Variants in TMEM135 observed in about 807,000 individuals in gnomAD.
The protein encoded by TMEM135 is peroxisomal membrane protein 52.
A neutral mutation model predicts 60.3 loss-of-function variants in TMEM135; 30 were observed. The observed-to-expected ratio is 0.50, with a 90% CI of 0.37 to 0.68. TMEM135 has a LOEUF of 0.68. Among genes scored for constraint, TMEM135 ranks in the 30% least tolerant of loss-of-function variants. The pLI is 0.00. For missense variants in TMEM135, 468 were observed against 548.8 expected (o/e 0.85, Z 1.47); for synonymous variants, 190 against 186.7 (o/e 1.02, Z -0.14).
In TMEM135 at chr11:87,260,086, T is replaced by C. The variant is rs1182254150; in HGVS notation, c.509+23402T>C. Among the ~76,000 whole-genome samples the C allele has an allele frequency of 1.3e-5, 2 of 152,210 alleles. 1 individual carries two copies. Among genetic ancestry groups the C allele is most frequent in the South Asian group, 4.1e-4 (2 of 4,830 alleles). ...TTCTAAAGTGATTTGATCACTGAAA[T>C]GGATTATGCAATTTTTATGGTTTTG... On this transcript the variant is annotated intron_variant, in intron 6 of 14. Coordinates refer to ENST00000305494, the MANE Select transcript of TMEM135 (RefSeq NM_022918.4).
rs544815278 is a variant in TMEM135 at position 87,215,840 on chromosome 11, TTA to T, written c.463-20794_463-20793del. ...CTTTCAACTATAACTTCATTGTTAT[TTA>T]TATGTTTCCCTCTAGTATCTCCTGT... On this transcript the variant is annotated intron_variant, in intron 5 of 14. Coordinates refer to ENST00000305494, the MANE Select transcript of TMEM135 (RefSeq NM_022918.4). 1.2e-3 allele frequency among the ~76,000 whole-genome samples: 177 copies of T among 152,312 alleles called. 1 individual carries two copies. Among genetic ancestry groups the T allele is most frequent in the Admixed American group, 7.7e-3 (118 of 15,300 alleles).
In TMEM135 at chr11:87,324,304, G is replaced by A; in HGVS notation, c.*2971G>A. ...CCTGTGTCACAACCTCTCCCTTGGT[G>A]CTAATTAGGAAGCTTCTTGTGGGAC... On this transcript the variant is annotated 3_prime_UTR_variant, in exon 15 of 15. Transcript: ENST00000305494. 2.2e-6 allele frequency: 1 copy of A among 454,046 alleles called. No individual in the cohort carries two copies. Among genetic ancestry groups the A allele is most frequent in the South Asian group, 1.6e-5 (1 of 64,466 alleles). 28.1% of individuals were successfully genotyped at this position (454,046 alleles called of 1,614,324 possible).
At chr11:87,058,051 T>C (rs1464520005) in intron 1 of TMEM135, among the ~76,000 whole-genome samples, 1 of 152,182 alleles carries the variant, frequency 6.6e-6, no homozygotes. Flanking sequence ...AAAATACCAG[T>C]GTCCTAGCTC....
intron 5 of TMEM135, among the ~76,000 whole-genome samples, chr11:87,172,864 A>G (rs116802339): frequency 0.02 from 3,004 of 152,002 alleles, 87 homozygotes; most frequent in East Asian, 0.074. Context: ...CGTGAATTAA[A>G]TAATTAAATA....
chr11:87,208,953 C>G (rs653419), intron 5 of TMEM135, among the ~76,000 whole-genome samples: 1 of 152,022 alleles, frequency 6.6e-6, no homozygotes, highest in African/African-American at 2.4e-5. Flanking sequence ...AATTTCATAT[C>G]CCTCCAATCT....
At chr11:87,236,150 C>T (rs113313646) in intron 5 of TMEM135, among the ~76,000 whole-genome samples, 13 of 151,642 alleles carry the variant, frequency 8.6e-5, no homozygotes, top group African/African-American at 3.1e-4. Flanking sequence ...TTTTTGTGAA[C>T]CCTGTTACCC....
rs1283918438 is a variant in TMEM135 at position 87,322,675 on chromosome 11, T to C, written c.*1342T>C. 2.2e-6 allele frequency: 1 copy of C among 454,020 alleles called. No individual in the cohort carries two copies. The highest frequency in any genetic ancestry group is 2.3e-5 in the Admixed American group (1 of 42,566). 28.1% of individuals were successfully genotyped at this position (454,020 alleles called of 1,614,324 possible). ...AGAACTTGTGTTGCAAAAGGAATTA[T>C]AACCCATACTTTAAAAATGCTTAAT... On this transcript the variant is annotated 3_prime_UTR_variant, in exon 15 of 15. Coordinates refer to ENST00000305494, the MANE Select transcript of TMEM135 (RefSeq NM_022918.4).
intron 5 of TMEM135, among the ~76,000 whole-genome samples, chr11:87,222,181 CAAAAAAAAA>C (rs386374401): frequency 2.2e-4 from 12 of 55,480 alleles, no homozygotes; most frequent in South Asian, 1.2e-3. Context: ...GACTCTGTCT[CAAAAAAAAA>C]AAAAAAAAAA....
intron 4 of TMEM135, among the ~76,000 whole-genome samples, chr11:87,128,144 G>A (rs1399368114): frequency 6.6e-6 from 1 of 152,102 alleles, no homozygotes; most frequent in Admixed American, 6.5e-5. Context: ...AAAACACTTG[G>A]TTTCTAACCT....
rs534072292 is a variant in TMEM135, at chr11:87,267,745, T to A, written c.510-28037T>A. Among the ~76,000 whole-genome samples, 5 of 152,078 alleles carry A rather than the reference T, an allele frequency of 3.3e-5. No homozygotes were observed. The East Asian group carries it at 9.7e-4, about 29-fold the overall frequency. ...AGTCAGTCTGTTGCCCAGGCTGGAGTGCAGTGGCATGGTCTCCACTCACAG... is the reference window on the plus strand; with the variant it reads ...AGTCAGTCTGTTGCCCAGGCTGGAGAGCAGTGGCATGGTCTCCACTCACAG... On this transcript the variant is annotated intron_variant, in intron 6 of 14. Coordinates refer to ENST00000305494, the MANE Select transcript of TMEM135 (RefSeq NM_022918.4).
chr11:87,042,329 C>A (rs1483327445), intron 1 of TMEM135, among the ~76,000 whole-genome samples: 1 of 152,134 alleles, frequency 6.6e-6, no homozygotes, highest in African/African-American at 2.4e-5. Context: ...GCAGGACCCT[C>A]TCTGGAATGG....
intron 1 of TMEM135, among the ~76,000 whole-genome samples, chr11:87,066,598 CAAAAA>C (rs34204350): frequency 1.1e-3 from 135 of 121,278 alleles, no homozygotes; most frequent in Admixed American, 1.5e-3. Flanking sequence ...CAGAGTTCAC[CAAAAA>C]AAAAAAAAAA....
In TMEM135 at chr11:87,174,766, A is replaced by G. The variant is rs534077711; in HGVS notation, c.462+17360A>G. ...TCCTCCAATCATATCCCTTTGTTCA[A>G]TGCCCTTTTGTTATAACATTGATGA... is the stretch of plus-strand genomic sequence containing the variant. On this transcript the variant is annotated intron_variant, in intron 5 of 14. Coordinates refer to ENST00000305494, the MANE Select transcript of TMEM135 (RefSeq NM_022918.4). 2.0e-4 allele frequency among the ~76,000 whole-genome samples: 30 copies of G among 152,242 alleles called. No individual in the cohort carries two copies. In the South Asian group the frequency reaches 5.6e-3, roughly 28 times the overall value.
chr11:87,193,315 A>G (rs534910310), intron 5 of TMEM135, among the ~76,000 whole-genome samples: 3 of 152,304 alleles, frequency 2.0e-5, no homozygotes, highest in East Asian at 1.9e-4. Flanking sequence ...CTTGAAAATT[A>G]TAAGACAAAT....
chr11:87,207,740 A>G (rs775009571), intron 5 of TMEM135, among the ~76,000 whole-genome samples: 4 of 152,072 alleles, frequency 2.6e-5, no homozygotes, highest in Non-Finnish European at 5.9e-5. Context: ...AGAAGTTTAT[A>G]CTCCCCTACT....
At chr11:87,312,127 A>G (rs1333646892) in intron 10 of TMEM135, among the ~76,000 whole-genome samples, 7 of 148,908 alleles carry the variant, frequency 4.7e-5, no homozygotes, top group Non-Finnish European at 7.4e-5. Context: ...GTTTAAACCT[A>G]CTTTCATGTT....
At chr11:87,259,388 A>T in intron 6 of TMEM135, 1 of 298,028 alleles carries the variant, frequency 3.4e-6, no homozygotes, top group Non-Finnish European at 6.7e-6. Flanking sequence ...GTGTGTGTGT[A>T]TATGTGTATG....
intron 1 of TMEM135, among the ~76,000 whole-genome samples, chr11:87,045,960 T>C (rs898211778): frequency 4.6e-5 from 7 of 152,216 alleles, no homozygotes; most frequent in African/African-American, 1.7e-4. Flanking sequence ...TGGTGAAGAA[T>C]AAAATGAATG....
chr11:87,322,099 A>C lies in TMEM135; in HGVS notation c.*766A>C, dbSNP rs1006946581. 1 of 454,222 alleles carries C rather than the reference A, an allele frequency of 2.2e-6. No individual in the cohort carries two copies. Among genetic ancestry groups the C allele is most frequent in the Non-Finnish European group, 4.4e-6 (1 of 226,570 alleles). 28.1% of individuals were successfully genotyped at this position (454,222 alleles called of 1,614,324 possible). Reference sequence around the variant, plus strand: ...AAATGTATGTTTTAATCTTTCACAGAAGTATTACACTTGAATATTTAAAAA... The same window carrying C: ...AAATGTATGTTTTAATCTTTCACAGCAGTATTACACTTGAATATTTAAAAA... On this transcript the variant is annotated 3_prime_UTR_variant, in exon 15 of 15. Transcript: ENST00000305494.
Sources: gnomAD v4.1 joint callset for allele counts (sites outside exome capture counted in the v4.1 genomes callset) on GRCh38, gnomAD v4.1.1 for gene constraint, MANE v1.5 for transcripts, NCBI Gene and HGNC (gene_info 2026-07-23, HGNC 2026-07-21) for gene names.